Variants in FRAS1 observed in about 807,000 individuals in gnomAD.
FRAS1 encodes extracellular matrix organizing protein FRAS1.
In FRAS1, 290 loss-of-function variants were observed where a neutral mutation model predicts 435.2. The ratio of observed to expected loss-of-function variants is 0.67; its 90% CI spans 0.61 to 0.73. The LOEUF (loss-of-function observed/expected upper bound fraction) is 0.73, where lower values mean the gene tolerates loss of function less well. FRAS1 is among the 30% of genes least tolerant of loss of function. The pLI is 0.00. For synonymous variants in FRAS1, 1,800 were observed against 1,851.0 expected (o/e 0.97, Z 0.71); for missense variants, 4,860 against 5,001.5 (o/e 0.97, Z 0.85).
chr4:78,268,779 A>G lies in FRAS1; in HGVS notation c.981+1347A>G, dbSNP rs1726500244. Among the ~76,000 whole-genome samples the G allele has an allele frequency of 3.3e-5, 5 of 152,222 alleles. No homozygotes were observed. The South Asian group carries it at 1.0e-3, about 32-fold the overall frequency. Reference sequence around the variant, plus strand: ...CTGTCGGCTGTGACACCTGGCTATCATGGCATGAGCCAGGCATTCTTGGCT... The same window carrying G: ...CTGTCGGCTGTGACACCTGGCTATCGTGGCATGAGCCAGGCATTCTTGGCT... On this transcript the variant is annotated intron_variant, in intron 9 of 73. Transcript: ENST00000512123.
At chr4:78,284,227 G>GTGTTT (rs1460694054) in intron 12 of FRAS1, among the ~76,000 whole-genome samples, 178 bp from the exon 13 acceptor site, 1 of 37,340 alleles carries the variant, frequency 2.7e-5, no homozygotes, top group Admixed American at 3.5e-4. Flanking sequence ...GCATTGGAAT[G>GTGTTT]TATTTTTTTT....
chr4:78,448,715 A>G (rs1718931868), intron 44 of FRAS1, among the ~76,000 whole-genome samples: 1 of 152,218 alleles, frequency 6.6e-6, no homozygotes, highest in African/African-American at 2.4e-5. Context: ...ATTTTTTTAC[A>G]AAATGCATGG....
At chr4:78,338,140 C>G (rs182681382) in intron 20 of FRAS1, 1 of 222,514 alleles carries the variant, frequency 4.5e-6, no homozygotes, top group African/African-American at 2.3e-5. Flanking sequence ...AAATAAGTCA[C>G]TCCAAGCCTT....
At chr4:78,228,926 A>C (rs1050831760) in intron 2 of FRAS1, among the ~76,000 whole-genome samples, 1 of 152,230 alleles carries the variant, frequency 6.6e-6, no homozygotes, top group Non-Finnish European at 1.5e-5. Context: ...AGAGACTCAG[A>C]AAAGCTAAGA....
intron 5 of FRAS1, among the ~76,000 whole-genome samples, chr4:78,254,204 T>C (rs1480235209): frequency 6.6e-6 from 1 of 152,204 alleles, no homozygotes; most frequent in Non-Finnish European, 1.5e-5. Flanking sequence ...AACTAGGTAG[T>C]GTATACCGTA....
At chr4:78,252,361 CT>C (rs34015316) in intron 4 of FRAS1, 30 bp from the exon 5 acceptor site, 4,576 of 1,338,966 alleles carry the variant, frequency 3.4e-3, no homozygotes, top group Admixed American at 6.1e-3. Context: ...TGGCACTAAC[CT>C]TTTTTTTTTT....
chr4:78,073,575 G>A (rs1740471438), intron 2 of FRAS1, among the ~76,000 whole-genome samples: 1 of 151,888 alleles, frequency 6.6e-6, no homozygotes, highest in African/African-American at 2.4e-5. Flanking sequence ...ACATACATAT[G>A]TTTATTTTCT....
chr4:78,526,696 C>A, intron 70 of FRAS1, 39 bp downstream of exon 70: 3 of 1,291,688 alleles, frequency 2.3e-6, no homozygotes, highest in East Asian at 5.4e-5. Flanking sequence ...TTGTTGATTC[C>A]TTATTTGTGA....
intron 29 of FRAS1, among the ~76,000 whole-genome samples, chr4:78,395,171 C>A (rs931556657): frequency 5.3e-5 from 8 of 151,914 alleles, no homozygotes; most frequent in African/African-American, 1.7e-4. Flanking sequence ...AATTTGGATA[C>A]ATTTTGTTTC....
At chr4:78,067,879 T>C (rs1269868212) in intron 2 of FRAS1, among the ~76,000 whole-genome samples, 1 of 148,704 alleles carries the variant, frequency 6.7e-6, no homozygotes, top group Non-Finnish European at 1.5e-5. Context: ...TTTTTTTGTA[T>C]TTTTAGTAGA....
intron 47 of FRAS1, among the ~76,000 whole-genome samples, chr4:78,453,435 G>A (rs993968469): frequency 6.6e-6 from 1 of 152,034 alleles, no homozygotes; most frequent in Non-Finnish European, 1.5e-5. Context: ...AAGAAAGGAA[G>A]GAATTTCAGG....
chr4:78,314,096 T>TTTTC (rs774324279), intron 15 of FRAS1, among the ~76,000 whole-genome samples: 14 of 152,092 alleles, frequency 9.2e-5, no homozygotes, highest in Admixed American at 4.6e-4. Flanking sequence ...CTAGTTTTTT[T>TTTTC]TTCTTCTTCT....
At chr4:78,319,295 C>G in intron 18 of FRAS1, 1 of 510,350 alleles carries the variant, frequency 2.0e-6, no homozygotes, top group Middle Eastern at 3.0e-4. Flanking sequence ...ACTCAGAGCT[C>G]ATTGTAGAAT....
intron 65 of FRAS1, among the ~76,000 whole-genome samples, chr4:78,514,148 C>T (rs1372290846): frequency 1.3e-5 from 2 of 152,236 alleles, no homozygotes; most frequent in Admixed American, 1.3e-4. Flanking sequence ...GCAGGGAGCT[C>T]TGGAGAGACT....
chr4:78,147,705 T>G (rs1310715780), intron 2 of FRAS1, among the ~76,000 whole-genome samples: 2 of 152,174 alleles, frequency 1.3e-5, no homozygotes, highest in Non-Finnish European at 2.9e-5. Context: ...TCTGTCCTAT[T>G]GAGTTGTTGC....
chr4:78,226,367 T>A (rs1724273072), intron 2 of FRAS1, among the ~76,000 whole-genome samples: 1 of 152,164 alleles, frequency 6.6e-6, no homozygotes, highest in South Asian at 2.1e-4. Context: ...TAGTATTGTT[T>A]TAGTTTGGAT....
At chr4:78,437,165 T>C (rs773086563) in intron 38 of FRAS1, among the ~76,000 whole-genome samples, 38 of 152,308 alleles carry the variant, frequency 2.5e-4, no homozygotes, top group Admixed American at 7.2e-4. Context: ...ATTTGAAATA[T>C]ATAGTAAGAT....
chr4:78,187,977 G>C (rs1200655120), intron 2 of FRAS1, among the ~76,000 whole-genome samples: 1 of 152,128 alleles, frequency 6.6e-6, no homozygotes, highest in African/African-American at 2.4e-5. Flanking sequence ...ATCAACAGAG[G>C]TGCTGTTGGT....
At position 78,212,771 on chromosome 4, in the gene FRAS1, C is replaced by G. The variant is rs978523270; in HGVS notation, c.109-24739C>G. ...ACTGTGACTGAGCAAATAACAGTGG[C>G]TTATGTGCTAAGGTTGAATTCCCTG... On this transcript the variant is annotated intron_variant, in intron 2 of 73. Transcript: ENST00000512123. Among the ~76,000 whole-genome samples, 3 of 152,264 alleles carry G rather than the reference C, an allele frequency of 2.0e-5. No individual in the cohort carries two copies. In the South Asian group the frequency reaches 6.2e-4, roughly 32 times the overall value.
Sources: allele counts gnomAD v4.1 joint callset (sites outside exome capture counted in the v4.1 genomes callset), GRCh38; gene constraint gnomAD v4.1.1; transcripts MANE v1.5; gene names NCBI Gene and HGNC (gene_info 2026-07-23, HGNC 2026-07-21).